ASIC2: variants seen among roughly 807,000 people sequenced by gnomAD.
ASIC2 encodes acid sensing ion channel subunit 2, also known as acid-sensing ion channel 2.
ASIC2 carries 25 observed loss-of-function variants against 57.3 expected under a neutral mutation model. The ratio of observed to expected loss-of-function variants is 0.44; its 90% CI spans 0.32 to 0.61. The LOEUF is 0.61. ASIC2 is among the 20% of genes least tolerant of loss of function. The probability of loss-of-function intolerance (pLI) is 0.06; values close to 1 mark genes in which losing one functional copy is unlikely to be tolerated. For synonymous variants in ASIC2, 319 were observed against 307.5 expected, an observed-to-expected ratio of 1.04 and a Z score of -0.39; for missense variants, 641 against 738.1, an observed-to-expected ratio of 0.87 and a Z score of 1.52.
At chr17:33,645,194 A>G (rs575162205) in intron 1 of ASIC2, among the ~76,000 whole-genome samples, 21 of 152,332 alleles carry the variant, frequency 1.4e-4, no homozygotes, top group African/African-American at 3.8e-4. Context: ...CGTTAGATGC[A>G]GTAATGTAAT....
intron 1 of ASIC2, among the ~76,000 whole-genome samples, chr17:33,934,372 C>G (rs1354136655): frequency 1.3e-5 from 2 of 152,150 alleles, no homozygotes; most frequent in African/African-American, 4.8e-5. Context: ...AACATTGATT[C>G]AAGCACTTGT....
chr17:33,762,147 A>G (rs1204297995), intron 1 of ASIC2, among the ~76,000 whole-genome samples: 1 of 152,170 alleles, frequency 6.6e-6, no homozygotes, highest in Non-Finnish European at 1.5e-5. Flanking sequence ...AATGGTATGT[A>G]GGCTCCAGGC....
At chr17:33,619,757 A>G (rs1905720967) in intron 1 of ASIC2, among the ~76,000 whole-genome samples, 1 of 152,220 alleles carries the variant, frequency 6.6e-6, no homozygotes, top group South Asian at 2.1e-4. Flanking sequence ...TCTTCTGTTT[A>G]AAAAGACAAG....
intron 1 of ASIC2, among the ~76,000 whole-genome samples, chr17:33,498,742 G>A (rs1182405830): frequency 3.3e-5 from 5 of 152,320 alleles, no homozygotes; most frequent in African/African-American, 1.2e-4. Context: ...CACGTGGAAA[G>A]TGCTGCAATG....
chr17:33,799,992 CTTA>C (rs1912085453), intron 1 of ASIC2, among the ~76,000 whole-genome samples: 1 of 152,150 alleles, frequency 6.6e-6, no homozygotes, highest in Non-Finnish European at 1.5e-5. Flanking sequence ...TAGGTGCTTC[CTTA>C]TTATCACCAT....
intron 1 of ASIC2, among the ~76,000 whole-genome samples, chr17:33,208,783 C>T (rs1211251150): frequency 6.6e-6 from 1 of 152,026 alleles, no homozygotes; most frequent in African/African-American, 2.4e-5. Flanking sequence ...CAGAACAGGG[C>T]CTGGCACATA....
At chr17:33,071,373 C>G (rs2092068403) in intron 3 of ASIC2, among the ~76,000 whole-genome samples, 1 of 152,146 alleles carries the variant, frequency 6.6e-6, no homozygotes, top group Non-Finnish European at 1.5e-5. Flanking sequence ...TTCATCTTAT[C>G]CAGTGTATTT....
At chr17:34,087,578 T>G (rs1168076174) in intron 1 of ASIC2, among the ~76,000 whole-genome samples, 2 of 152,186 alleles carry the variant, frequency 1.3e-5, no homozygotes, top group Non-Finnish European at 2.9e-5. Flanking sequence ...TGAATCTGAA[T>G]GTTGGCCTGC....
chr17:33,272,707 T>C (rs762935837), intron 1 of ASIC2, among the ~76,000 whole-genome samples: 1 of 152,208 alleles, frequency 6.6e-6, no homozygotes, highest in African/African-American at 2.4e-5. Context: ...ATCATCACCA[T>C]CATCATCATT....
chr17:34,034,154 T>G (rs1907755427), intron 1 of ASIC2, among the ~76,000 whole-genome samples: 1 of 152,166 alleles, frequency 6.6e-6, no homozygotes, highest in Admixed American at 6.5e-5. Context: ...ATCAAAAAGC[T>G]TATCCACCAT....
At position 34,010,559 on chromosome 17, in the gene ASIC2, G is replaced by T. The variant is rs1377447446; in HGVS notation, c.555+145419C>A. ...ACGTTGGCCTAGATGATGTCTCAGG[G>T]TTTTTTCAACTCTGACACATGCCCT... On this transcript the variant is annotated intron_variant, in intron 1 of 9. Transcript: ENST00000359872. Among the ~76,000 whole-genome samples the T allele has an allele frequency of 5.3e-5, 8 of 152,218 alleles. No individual in the cohort carries two copies. In the East Asian group the frequency reaches 1.5e-3, roughly 29 times the overall value.
chr17:33,719,481 T>C (rs1909320555), intron 1 of ASIC2, among the ~76,000 whole-genome samples: 1 of 152,216 alleles, frequency 6.6e-6, no homozygotes, highest in African/African-American at 2.4e-5. Flanking sequence ...TCAAGGTGCC[T>C]ACTTTGCATC....
chr17:33,642,998 C>T (rs886821421), intron 1 of ASIC2, among the ~76,000 whole-genome samples: 53 of 152,328 alleles, frequency 3.5e-4, no homozygotes, highest in African/African-American at 1.2e-3. Context: ...CAGCTCCAAC[C>T]ACCACGTAGA....
chr17:33,161,318 C>T (rs557473046), intron 1 of ASIC2, among the ~76,000 whole-genome samples: 1 of 152,278 alleles, frequency 6.6e-6, no homozygotes, highest in African/African-American at 2.4e-5. Context: ...CCTTCTTTTC[C>T]TCTCAAACCT....
intron 1 of ASIC2, among the ~76,000 whole-genome samples, chr17:33,839,445 C>A (rs1194200948): frequency 6.6e-6 from 1 of 152,208 alleles, no homozygotes; most frequent in Non-Finnish European, 1.5e-5. Context: ...ACTAATTGAT[C>A]ACCCATTGTG....
chr17:33,351,891 G>C (rs1035815083), intron 1 of ASIC2, among the ~76,000 whole-genome samples: 2 of 152,070 alleles, frequency 1.3e-5, no homozygotes, highest in African/African-American at 4.8e-5. Context: ...GAACCTCTTG[G>C]TTCTGGCCCT....
At chr17:33,640,713 C>A (rs1178781036) in intron 1 of ASIC2, among the ~76,000 whole-genome samples, 2 of 152,204 alleles carry the variant, frequency 1.3e-5, no homozygotes, top group South Asian at 2.1e-4. Context: ...TAGGAACCTG[C>A]GTGTAGTTCC....
At chr17:33,358,191 T>G (rs1908460946) in intron 1 of ASIC2, among the ~76,000 whole-genome samples, 1 of 152,048 alleles carries the variant, frequency 6.6e-6, no homozygotes, top group African/African-American at 2.4e-5. Context: ...GTGTGAAGAG[T>G]GTTATTGGAC....
chr17:33,639,700 G>A (rs1906490702), intron 1 of ASIC2, among the ~76,000 whole-genome samples: 1 of 151,354 alleles, frequency 6.6e-6, no homozygotes, highest in Admixed American at 6.6e-5. Context: ...CTCACCAAAA[G>A]GGGTGGCATA....
Sources: allele counts gnomAD v4.1 joint callset (sites outside exome capture counted in the v4.1 genomes callset), GRCh38; gene constraint gnomAD v4.1.1; transcripts MANE v1.5; gene names NCBI Gene and HGNC (gene_info 2026-07-23, HGNC 2026-07-21).